The following GRK4 variants were observed in gnomAD, a reference collection of about 807,000 sequenced individuals.
The protein encoded by GRK4 is G protein-coupled receptor kinase 2-like.
A neutral mutation model predicts 77.9 loss-of-function variants in GRK4; 73 were observed. The observed-to-expected ratio is 0.94, with a 90% CI of 0.78 to 1.14. The LOEUF is 1.14. Among genes scored for constraint, GRK4 ranks in the 50% most tolerant of loss-of-function variants. GRK4 has a pLI of 0.00. For synonymous variants in GRK4, 257 were observed against 254.4 expected (o/e 1.01, Z -0.10); for missense variants, 729 against 700.2 (o/e 1.04, Z -0.46).
intron 4 of GRK4, among the ~76,000 whole-genome samples, 153 bp from the exon 5 acceptor site, chr4:3,004,078 T>G (rs968104551): frequency 1.3e-5 from 2 of 152,224 alleles, no homozygotes; most frequent in Non-Finnish European, 2.9e-5. Context: ...AGCAGAACTC[T>G]GGAGAGTGGG....
At chr4:3,013,620 G>A in intron 7 of GRK4, 68 bp from the exon 8 acceptor site, 1 of 1,539,360 alleles carries the variant, frequency 6.5e-7, no homozygotes, top group Non-Finnish European at 8.7e-7. Flanking sequence ...CAAGCAAAGA[G>A]CTTCCTTTGT....
At chr4:3,035,611 G>C in intron 13 of GRK4, 88 bp downstream of exon 13, 2 of 1,426,630 alleles carry the variant, frequency 1.4e-6, no homozygotes, top group Non-Finnish European at 1.9e-6. Flanking sequence ...AAATAGAGAT[G>C]GGGGGTCTCA....
intron 7 of GRK4, among the ~76,000 whole-genome samples, chr4:3,010,210 GT>G (rs148076893): frequency 0.02 from 3,011 of 151,548 alleles, 100 homozygotes; most frequent in African/African-American, 0.068. Flanking sequence ...CACGAGGGGT[GT>G]TTTTTTTGTT....
intron 1 of GRK4, among the ~76,000 whole-genome samples, chr4:2,979,451 G>A (rs1321957301): frequency 2.1e-4 from 31 of 147,908 alleles, no homozygotes; most frequent in Non-Finnish European, 3.6e-4. Context: ...GGTGGCTCAC[G>A]CCTGTAATCC....
At position 3,029,222 on chromosome 4, in the gene GRK4, A is replaced by G. The variant is rs1488853475; in HGVS notation, c.1082A>G (p.Glu361Gly). Residue 361 changes from glutamate (E) to glycine (G), a missense_variant, in exon 12 of 16, where the codon GAA becomes GGA. Coordinates refer to ENST00000398052, the MANE Select transcript of GRK4 (RefSeq NM_182982.3). ...GTAGCACCTGAAGTTGTCAATAATG[A>G]AAAGTATACGTTTAGTCCCGATTGG... ...GYMAPEVVNN[E>G]KYTFSPDWWG... The G allele has an allele frequency of 1.2e-6, 2 of 1,612,824 alleles. No homozygotes were observed. The highest frequency in any genetic ancestry group is 2.2e-5 in the South Asian group (2 of 90,852).
intron 12 of GRK4, among the ~76,000 whole-genome samples, chr4:3,034,986 G>A (rs1049252947): frequency 6.6e-6 from 1 of 152,058 alleles, no homozygotes; most frequent in Non-Finnish European, 1.5e-5. Flanking sequence ...AGCTGGGCGC[G>A]GTGGCTCACG....
chr4:3,040,695 C>G lies in GRK4; in HGVS notation c.*70C>G. The G allele has an allele frequency of 2.3e-6, 3 of 1,299,780 alleles. No individual in the cohort carries two copies. The South Asian group carries it at 3.7e-5, about 16-fold the overall frequency. 80.5% of individuals were successfully genotyped at this position (1,299,780 alleles called of 1,614,324 possible). On this transcript the variant is annotated 3_prime_UTR_variant, in exon 16 of 16. Transcript: ENST00000398052. ...AGCATGTGTTAGCGTCTCGTCCCAC[C>G]TGGAATTGTAATAAATACATCTAAA...
At chr4:3,018,352 A>G (rs1172710679) in intron 8 of GRK4, among the ~76,000 whole-genome samples, 5 of 152,250 alleles carry the variant, frequency 3.3e-5, no homozygotes, top group Non-Finnish European at 4.4e-5. Context: ...GATACCATTT[A>G]CAATGGCATC....
intron 12 of GRK4, among the ~76,000 whole-genome samples, chr4:3,034,133 T>C (rs530070159): frequency 6.6e-6 from 1 of 152,116 alleles, no homozygotes; most frequent in Non-Finnish European, 1.5e-5. Flanking sequence ...GCAAAAAAAT[T>C]TGGGGAGCCT....
At chr4:2,965,367 G>C in intron 1 of GRK4, 1 of 703,000 alleles carries the variant, frequency 1.4e-6, no homozygotes, top group Non-Finnish European at 2.6e-6. Flanking sequence ...AAGAGAGCTG[G>C]CGACAGAGCC....
intron 1 of GRK4, chr4:2,965,776 G>C: frequency 2.9e-6 from 1 of 341,870 alleles, no homozygotes; most frequent in Non-Finnish European, 5.6e-6. Flanking sequence ...AAGAGAATGG[G>C]ATCTTTTTCC....
chr4:2,998,694 C>G (rs928948697), intron 4 of GRK4, among the ~76,000 whole-genome samples: 3 of 151,948 alleles, frequency 2.0e-5, no homozygotes, highest in African/African-American at 4.8e-5. Flanking sequence ...CTAGAAAGCA[C>G]TGAAAAAAAT....
chr4:2,972,101 C>T (rs890351716), intron 1 of GRK4, among the ~76,000 whole-genome samples: 3 of 152,180 alleles, frequency 2.0e-5, no homozygotes, highest in African/African-American at 7.2e-5. Flanking sequence ...CAGATGAAGG[C>T]AGCCCATAGA....
chr4:3,038,238 G>A, intron 14 of GRK4, 138 bp from the exon 15 acceptor site: 1 of 987,454 alleles, frequency 1.0e-6, no homozygotes, highest in East Asian at 2.4e-5. Context: ...GAGGAACCCA[G>A]AAAAGGGGCC....
intron 1 of GRK4, among the ~76,000 whole-genome samples, chr4:2,975,164 G>A (rs1191119971): frequency 2.0e-5 from 3 of 152,148 alleles, no homozygotes; most frequent in Admixed American, 2.0e-4. Context: ...TTAGCTGGGC[G>A]TGGTTGCGCG....
chr4:2,985,400 CAAA>C (rs34597270), intron 2 of GRK4, among the ~76,000 whole-genome samples: 8 of 119,258 alleles, frequency 6.7e-5, no homozygotes, highest in Admixed American at 2.7e-4. Context: ...GACTCTGTCT[CAAA>C]AAAAAAAAAA....
intron 1 of GRK4, chr4:2,965,691 C>T: frequency 1.9e-6 from 1 of 532,124 alleles, no homozygotes; most frequent in Non-Finnish European, 3.4e-6. Flanking sequence ...AAGTCTAAAA[C>T]AAAGACTTCA....
intron 5 of GRK4, among the ~76,000 whole-genome samples, chr4:3,006,766 A>G (rs1731451735): frequency 6.6e-6 from 1 of 150,974 alleles, no homozygotes; most frequent in Non-Finnish European, 1.5e-5. Context: ...GAGCCAGACC[A>G]AAAAAAAAGA....
chr4:2,980,359 G>C (rs909883004), intron 1 of GRK4, among the ~76,000 whole-genome samples: 4 of 152,078 alleles, frequency 2.6e-5, no homozygotes, highest in African/African-American at 9.7e-5. Context: ...ATCCAAGATG[G>C]GAACCCGGGA....
Sources: allele counts gnomAD v4.1 joint callset (sites outside exome capture counted in the v4.1 genomes callset), GRCh38; gene constraint gnomAD v4.1.1; transcripts MANE v1.5; gene names NCBI Gene and HGNC (gene_info 2026-07-23, HGNC 2026-07-21).